AGAP1: variants seen among roughly 807,000 people sequenced by gnomAD.
AGAP1 encodes ArfGAP with GTPase domain, ankyrin repeat and PH domain 1.
AGAP1 carries 29 observed loss-of-function variants against 105.3 expected under a neutral mutation model. The observed-to-expected ratio is 0.28, with a 90% CI of 0.21 to 0.38. AGAP1 has a LOEUF of 0.38. AGAP1 is among the 10% of genes least tolerant of loss of function. The pLI is 1.00. For missense variants in AGAP1, 998 were observed against 1,165.1 expected (o/e 0.86, Z 2.09); for synonymous variants, 509 against 485.9 (o/e 1.05, Z -0.63).
intron 1 of AGAP1, among the ~76,000 whole-genome samples, chr2:235,509,293 C>A (rs1009740688): frequency 6.6e-6 from 1 of 152,106 alleles, no homozygotes; most frequent in Non-Finnish European, 1.5e-5. Context: ...GTGGTGCGAT[C>A]TCTGCTCACT....
chr2:235,657,723 G>A (rs1214478185), intron 1 of AGAP1, among the ~76,000 whole-genome samples: 11 of 152,102 alleles, frequency 7.2e-5, no homozygotes, highest in Admixed American at 5.9e-4. Context: ...TGATTCCTGT[G>A]GGCTAAACTG....
rs146496658 is a variant in AGAP1, at chr2:235,577,683, C to T, written c.163+82834C>T. Among the ~76,000 whole-genome samples, 23 of 152,174 alleles carry T rather than the reference C, an allele frequency of 1.5e-4. No individual in the cohort carries two copies. The East Asian group carries it at 3.1e-3, about 20-fold the overall frequency. ...CATTCGGAACATTCGCCGAGTGGAA[C>T]GTGTGTGTCGTCATCCCCTCGAAGG... On this transcript the variant is annotated intron_variant, in intron 1 of 17. Coordinates refer to ENST00000304032, the MANE Select transcript of AGAP1 (RefSeq NM_001037131.3). The surrounding 1 kb of genome is among the most constrained non-coding windows in gnomAD (Gnocchi z 4.5).
chr2:235,581,184 G>GT (rs1944920693), intron 1 of AGAP1, among the ~76,000 whole-genome samples: 1 of 148,776 alleles, frequency 6.7e-6, no homozygotes, highest in Non-Finnish European at 1.5e-5. Context: ...GTAGGTGCCT[G>GT]TAATCCCAGC....
At position 235,716,332 on chromosome 2, in the gene AGAP1, T is replaced by G. The variant is rs896529462; in HGVS notation, c.223-1225T>G. 1.3e-5 allele frequency among the ~76,000 whole-genome samples: 2 copies of G among 152,080 alleles called. No homozygotes were observed. The highest frequency in any genetic ancestry group is 4.8e-5 in the African/African-American group (2 of 41,420). ...GTGTGAGAGTTGGAAGAGAGTGTCT[T>G]AACAGCAGCTGCTGGTGATGGGGCC... On this transcript the variant is annotated intron_variant, in intron 2 of 17. Transcript: ENST00000304032. This position sits in a 1 kb window ranked among gnomAD's most constrained non-coding sequence, Gnocchi z 4.0.
rs911577445 is a variant in AGAP1 at position 235,559,399 on chromosome 2, A to C, written c.163+64550A>C. 9.2e-5 allele frequency among the ~76,000 whole-genome samples: 14 copies of C among 152,234 alleles called. No homozygotes were observed. The highest frequency in any genetic ancestry group is 4.8e-5 in the African/African-American group (2 of 41,464). On this transcript the variant is annotated intron_variant, in intron 1 of 17. Coordinates refer to ENST00000304032, the MANE Select transcript of AGAP1 (RefSeq NM_001037131.3). The surrounding 1 kb of genome is among the most constrained non-coding windows in gnomAD (Gnocchi z 5.7). Reference sequence around the variant, plus strand: ...AGAGGCGTCTGTGATGAGCGCCTGCAGACGCTGGTGGGTGCTTGCCGTGTG... The same window carrying C: ...AGAGGCGTCTGTGATGAGCGCCTGCCGACGCTGGTGGGTGCTTGCCGTGTG...
intron 1 of AGAP1, among the ~76,000 whole-genome samples, chr2:235,495,520 C>T (rs1277264857): frequency 6.6e-6 from 1 of 152,204 alleles, no homozygotes; most frequent in Non-Finnish European, 1.5e-5. Context: ...GGAAGGGTCT[C>T]GCTTTCATAT....
At chr2:236,072,709 C>G (rs555465304) in intron 16 of AGAP1, among the ~76,000 whole-genome samples, 2 of 152,310 alleles carry the variant, frequency 1.3e-5, no homozygotes, top group Non-Finnish European at 2.9e-5. Context: ...ATCCTGCCGC[C>G]TTGGCCTCCC....
Position 235,692,486 on chromosome 2 carries a change from C to T in AGAP1, c.164-16693C>T, listed in dbSNP as rs977297440. 6.6e-6 allele frequency among the ~76,000 whole-genome samples: 1 copy of T among 152,148 alleles called. No homozygotes were observed. ...AAAGCCACCAGGTGACTTCCACTGC[C>T]GTTAGAATGAAACCCAAACTCTGCA... On this transcript the variant is annotated intron_variant, in intron 1 of 17. Transcript: ENST00000304032. The surrounding 1 kb of genome is among the most constrained non-coding windows in gnomAD (Gnocchi z 5.8).
At chr2:235,756,765 G>A (rs1194681554) in intron 6 of AGAP1, among the ~76,000 whole-genome samples, 1 of 152,146 alleles carries the variant, frequency 6.6e-6, no homozygotes, top group Non-Finnish European at 1.5e-5. Context: ...GCCCTGTTGT[G>A]AACTGTGCAT....
At chr2:236,041,387 G>T (rs935856877) in intron 15 of AGAP1, among the ~76,000 whole-genome samples, 1 of 143,464 alleles carries the variant, frequency 7.0e-6, no homozygotes, top group Non-Finnish European at 1.5e-5. Flanking sequence ...ATGATGTCTT[G>T]TTTTTTTTTG....
At chr2:235,831,184 TA>T (rs35101565) in intron 9 of AGAP1, among the ~76,000 whole-genome samples, 60,943 of 137,950 alleles carry the variant, frequency 0.44, 14,897 homozygotes, top group East Asian at 0.78. Flanking sequence ...TCTTCTTCTT[TA>T]AAAAAAAAAA....
chr2:235,707,393 A>G (rs892139678), intron 1 of AGAP1, among the ~76,000 whole-genome samples: 1 of 146,744 alleles, frequency 6.8e-6, no homozygotes, highest in African/African-American at 2.5e-5. Flanking sequence ...GGGATGTCTC[A>G]CTCGGCATCG....
rs1377401827 is a variant in AGAP1 at position 235,788,175 on chromosome 2, A to G, written c.674-9584A>G. 6.6e-6 allele frequency among the ~76,000 whole-genome samples: 1 copy of G among 152,196 alleles called. No homozygotes were observed. The highest frequency in any genetic ancestry group is 1.9e-4 in the East Asian group (1 of 5,188). The stretch of plus-strand genomic sequence containing the variant: ...CATACACAGTACTTAGCTCAAGTGC[A>G]CAGAGAAGCAGAGTGCCATACTGGG... On this transcript the variant is annotated intron_variant, in intron 6 of 17. Coordinates refer to ENST00000304032, the MANE Select transcript of AGAP1 (RefSeq NM_001037131.3). This position sits in a 1 kb window ranked among gnomAD's most constrained non-coding sequence, Gnocchi z 6.0.
chr2:236,064,319 G>T (rs1230766992), intron 16 of AGAP1, among the ~76,000 whole-genome samples: 1 of 152,162 alleles, frequency 6.6e-6, no homozygotes, highest in Non-Finnish European at 1.5e-5. Flanking sequence ...TTGCTCTGCC[G>T]TGGCTCGCGC....
rs955404959 is a variant in AGAP1 at position 235,988,567 on chromosome 2, C to T, written c.1645+19944C>T. Among the ~76,000 whole-genome samples, 10 of 152,136 alleles carry T rather than the reference C, an allele frequency of 6.6e-5. No individual in the cohort carries two copies. The highest frequency in any genetic ancestry group is 7.3e-5 in the Non-Finnish European group (5 of 68,028). On this transcript the variant is annotated intron_variant, in intron 13 of 17. Transcript: ENST00000304032. This position sits in a 1 kb window ranked among gnomAD's most constrained non-coding sequence, Gnocchi z 4.7. Reference sequence around the variant, plus strand: ...TAGGTACTTAGTCAAGGCATGCAGGCGTTTCTCCTTGTTTTAGTTCATCTG... The same window carrying T: ...TAGGTACTTAGTCAAGGCATGCAGGTGTTTCTCCTTGTTTTAGTTCATCTG...
chr2:235,814,943 G>A (rs1159952304), intron 9 of AGAP1, among the ~76,000 whole-genome samples: 2 of 152,118 alleles, frequency 1.3e-5, no homozygotes, highest in Non-Finnish European at 2.9e-5. Flanking sequence ...ATGGCCGCAC[G>A]GAGTGGATCT....
chr2:235,808,628 T>C (rs1957967210), intron 9 of AGAP1, among the ~76,000 whole-genome samples: 1 of 152,146 alleles, frequency 6.6e-6, no homozygotes, highest in Non-Finnish European at 1.5e-5. Context: ...GGGAGCAAGC[T>C]TTCTCCTTCC....
intron 11 of AGAP1, among the ~76,000 whole-genome samples, chr2:235,929,471 C>G (rs982400697): frequency 1.3e-5 from 2 of 152,156 alleles, no homozygotes; most frequent in African/African-American, 4.8e-5. Flanking sequence ...AGAATGTACT[C>G]AGTTCAGACA....
intron 9 of AGAP1, among the ~76,000 whole-genome samples, chr2:235,848,650 C>T (rs1208090426): frequency 6.6e-6 from 1 of 152,102 alleles, no homozygotes; most frequent in Non-Finnish European, 1.5e-5. Context: ...TTACATTTTC[C>T]AAACCCTGCT....
Sources: gnomAD v4.1 joint callset for allele counts (sites outside exome capture counted in the v4.1 genomes callset) on GRCh38, gnomAD v4.1.1 for gene constraint, Gnocchi (gnomAD v3.1) non-coding constraint, MANE v1.5 for transcripts, NCBI Gene and HGNC (gene_info 2026-07-23, HGNC 2026-07-21) for gene names.